The following CACNB4 variants were observed in gnomAD, a reference collection of about 807,000 sequenced individuals.
The protein encoded by CACNB4 is voltage-dependent L-type calcium channel subunit beta-4.
A neutral mutation model predicts 71.2 loss-of-function variants in CACNB4; 32 were observed. That is an observed-to-expected ratio of 0.45 (90% CI 0.34 to 0.60). CACNB4 has a LOEUF of 0.60. Among genes scored for constraint, CACNB4 ranks in the 20% least tolerant of loss-of-function variants. CACNB4 has a pLI of 0.01. For missense variants in CACNB4, 464 were observed against 647.9 expected (o/e 0.72, Z 3.08); for synonymous variants, 231 against 236.9 (o/e 0.97, Z 0.23).
At chr2:151,929,397 A>C (rs1578840908) in intron 2 of CACNB4, among the ~76,000 whole-genome samples, 1 of 152,186 alleles carries the variant, frequency 6.6e-6, no homozygotes, top group African/African-American at 2.4e-5. Flanking sequence ...ATATTTTTCT[A>C]TTCTACTTTT....
chr2:152,054,096 G>C (rs12693222), intron 2 of CACNB4, among the ~76,000 whole-genome samples: 37,827 of 151,882 alleles, frequency 0.25, 4,951 homozygotes, highest in Middle Eastern at 0.43. Context: ...GGCCGGGCGC[G>C]GTGGCTCACG....
At chr2:151,953,829 T>C (rs2099867530) in intron 2 of CACNB4, among the ~76,000 whole-genome samples, 1 of 152,224 alleles carries the variant, frequency 6.6e-6, no homozygotes. Context: ...ACTTTTCATT[T>C]AGATGCTCAG....
intron 2 of CACNB4, among the ~76,000 whole-genome samples, chr2:152,009,201 A>AAAAAG (rs1682913258): frequency 2.0e-5 from 3 of 151,796 alleles, no homozygotes; most frequent in South Asian, 2.1e-4. Flanking sequence ...AAAAAAAAAA[A>AAAAAG]AAAGAAAGAA....
At chr2:151,875,994 C>T (rs1399449235) in intron 5 of CACNB4, among the ~76,000 whole-genome samples, 3 of 144,054 alleles carry the variant, frequency 2.1e-5, no homozygotes, top group South Asian at 2.3e-4. Context: ...ACCTCCCTCC[C>T]GGACGGGGCG....
chr2:151,903,544 G>T (rs2099854004), intron 2 of CACNB4, among the ~76,000 whole-genome samples: 1 of 152,098 alleles, frequency 6.6e-6, no homozygotes, highest in African/African-American at 2.4e-5. Flanking sequence ...ACTTTGAAAA[G>T]AAGAATAAAA....
At chr2:151,982,959 T>C (rs1259491472) in intron 2 of CACNB4, among the ~76,000 whole-genome samples, 4 of 152,158 alleles carry the variant, frequency 2.6e-5, no homozygotes, top group African/African-American at 4.8e-5. Flanking sequence ...AAGACCTCAC[T>C]AGGTTATACT....
chr2:151,983,331 T>C (rs568421526), intron 2 of CACNB4, among the ~76,000 whole-genome samples: 11 of 152,234 alleles, frequency 7.2e-5, no homozygotes, highest in Non-Finnish European at 1.6e-4. Context: ...ATTTTTGATA[T>C]AATTTCTCTT....
At position 151,973,651 on chromosome 2, in the gene CACNB4, A is replaced by G. The variant is rs371509292; in HGVS notation, c.148-90281T>C. 2.0e-5 allele frequency: 33 copies of G among 1,610,412 alleles called. No homozygotes were observed. The South Asian group carries it at 3.3e-4, about 16-fold the overall frequency. On this transcript the variant is annotated intron_variant, in intron 2 of 13. Transcript: ENST00000539935. ...AAGAGGAGGGGAGAGGGAATTAGCT[A>G]TCTATGAAAATACTTACAGCCTCCG...
intron 2 of CACNB4, among the ~76,000 whole-genome samples, chr2:151,951,729 C>G (rs74420954): frequency 0.018 from 2,804 of 152,298 alleles, 101 homozygotes; most frequent in African/African-American, 0.062. Flanking sequence ...GCTTCTGCCA[C>G]AGATGCACCT....
intron 2 of CACNB4, among the ~76,000 whole-genome samples, chr2:152,076,014 G>C (rs1686987542): frequency 6.6e-6 from 1 of 152,112 alleles, no homozygotes; most frequent in African/African-American, 2.4e-5. Flanking sequence ...ACCTAATTCA[G>C]TGTGTGGGGT....
At chr2:152,004,885 T>C (rs1194564020) in intron 2 of CACNB4, among the ~76,000 whole-genome samples, 1 of 152,212 alleles carries the variant, frequency 6.6e-6, no homozygotes, top group African/African-American at 2.4e-5. Context: ...TTCTTGTCTG[T>C]TTCTCTTTCT....
In CACNB4 at chr2:152,098,985, G is replaced by A; in HGVS notation, c.27C>T (p.Asn9=). The change falls in exon 1 of 14, where the codon AAC becomes AAT. Residue 9 remains asparagine, a synonymous_variant. Transcript: ENST00000539935. This position sits in a 1 kb window ranked among gnomAD's most constrained non-coding sequence, Gnocchi z 5.3. MSSSSYAK[N]GTADGPHSPT... is the part of the protein sequence containing the mutation. Reference sequence around the variant, plus strand: ...GGGAGTGCGGCCCGTCCGCGGTCCCGTTCTTGGCGTAGGAGGAGGAGGACA... The same window carrying A: ...GGGAGTGCGGCCCGTCCGCGGTCCCATTCTTGGCGTAGGAGGAGGAGGACA... The A allele has an allele frequency of 1.3e-6, 2 of 1,534,922 alleles. No homozygotes were observed.
At chr2:151,997,384 A>T (rs1207177874) in intron 2 of CACNB4, among the ~76,000 whole-genome samples, 5 of 152,120 alleles carry the variant, frequency 3.3e-5, no homozygotes, top group Non-Finnish European at 5.9e-5. Flanking sequence ...AATACAAAAA[A>T]TTAGGCAGGC....
At chr2:152,074,957 C>T (rs1245351347) in intron 2 of CACNB4, among the ~76,000 whole-genome samples, 1 of 152,100 alleles carries the variant, frequency 6.6e-6, no homozygotes, top group Non-Finnish European at 1.5e-5. Context: ...CTAGGATGTT[C>T]CCCCAACAAA....
chr2:151,918,061 A>G (rs2099857999), intron 2 of CACNB4, among the ~76,000 whole-genome samples: 1 of 152,174 alleles, frequency 6.6e-6, no homozygotes, highest in Non-Finnish European at 1.5e-5. Context: ...TGGGGGGGAA[A>G]AGGGTGCTAC....
chr2:152,061,136 C>T (rs150500129), intron 2 of CACNB4, among the ~76,000 whole-genome samples: 259 of 152,022 alleles, frequency 1.7e-3, no homozygotes, highest in African/African-American at 6.1e-3. Flanking sequence ...AAGGAGATCC[C>T]GTCTCCACAA....
At chr2:152,026,367 C>T (rs1438696957) in intron 2 of CACNB4, among the ~76,000 whole-genome samples, 1 of 140,514 alleles carries the variant, frequency 7.1e-6, no homozygotes, top group African/African-American at 2.4e-5. Context: ...CTGGGCTCCA[C>T]TTCTCTAGTC....
At chr2:151,975,273 C>T (rs529299230) in intron 2 of CACNB4, among the ~76,000 whole-genome samples, 5 of 152,276 alleles carry the variant, frequency 3.3e-5, no homozygotes, top group Non-Finnish European at 5.9e-5. Flanking sequence ...CTCTGAAAAG[C>T]GTAACTCTTA....
chr2:152,009,396 G>T (rs1682928793), intron 2 of CACNB4, among the ~76,000 whole-genome samples: 2 of 152,100 alleles, frequency 1.3e-5, no homozygotes, highest in African/African-American at 4.8e-5. Flanking sequence ...AGGTCATTAG[G>T]TAAAAGGTAG....
Sources: allele counts gnomAD v4.1 joint callset (sites outside exome capture counted in the v4.1 genomes callset), GRCh38; gene constraint gnomAD v4.1.1; non-coding constraint Gnocchi (gnomAD v3.1); transcripts MANE v1.5; gene names NCBI Gene and HGNC (gene_info 2026-07-23, HGNC 2026-07-21).